Variants in TRAPPC9 observed in about 807,000 individuals in gnomAD.
TRAPPC9 encodes IKK2 binding protein.
In TRAPPC9, 83 loss-of-function variants were observed where a neutral mutation model predicts 124.0. That is an observed-to-expected ratio of 0.67 (90% CI 0.56 to 0.80). The LOEUF is 0.80. TRAPPC9 is among the 30% of genes least tolerant of loss of function. The pLI, the probability that TRAPPC9 is intolerant of heterozygous loss-of-function variation, is 0.00. For synonymous variants in TRAPPC9, 638 were observed against 617.5 expected (o/e 1.03, Z -0.49); for missense variants, 1,302 against 1,508.3 (o/e 0.86, Z 2.27).
At chr8:140,070,285 T>C (rs903236341) in intron 17 of TRAPPC9, among the ~76,000 whole-genome samples, 2 of 152,228 alleles carry the variant, frequency 1.3e-5, no homozygotes, top group African/African-American at 4.8e-5. Flanking sequence ...CATATAGAAA[T>C]GTCACAGCAC....
At chr8:140,438,602 C>T (rs533476813) in intron 3 of TRAPPC9, among the ~76,000 whole-genome samples, 29 of 152,300 alleles carry the variant, frequency 1.9e-4, no homozygotes, top group African/African-American at 7.0e-4. Context: ...GGCCACTGCT[C>T]GTGGCAACCA....
At chr8:140,442,475 G>A (rs984862001) in intron 2 of TRAPPC9, among the ~76,000 whole-genome samples, 1 of 151,658 alleles carries the variant, frequency 6.6e-6, no homozygotes, top group Non-Finnish European at 1.5e-5. Context: ...GGCAGGCGCC[G>A]TAGTCCCAGC....
Position 140,270,788 on chromosome 8 carries a change from G to A in TRAPPC9, c.2278+4870C>T, listed in dbSNP as rs146933403. Among the ~76,000 whole-genome samples the A allele has an allele frequency of 7.1e-3, 1,082 of 152,312 alleles. 12 individuals are homozygous for A. Among genetic ancestry groups the A allele is most frequent in the African/African-American group, 0.025 (1,036 of 41,574 alleles). ...TATGGCAGATGGCAGGAGCATCCAG[G>A]AAGCCAAAATTAGCTCCTGACAGCA... On this transcript the variant is annotated intron_variant, in intron 15 of 22. Coordinates refer to ENST00000438773, the MANE Select transcript of TRAPPC9 (RefSeq NM_001160372.4).
intron 21 of TRAPPC9, among the ~76,000 whole-genome samples, chr8:139,814,315 G>A (rs557409573): frequency 3.9e-5 from 6 of 152,334 alleles, no homozygotes; most frequent in African/African-American, 9.6e-5. Flanking sequence ...GAGACACGGC[G>A]ATGAGAAGCC....
chr8:140,107,157 C>T (rs764297722), intron 17 of TRAPPC9, among the ~76,000 whole-genome samples: 5 of 152,174 alleles, frequency 3.3e-5, no homozygotes, highest in Admixed American at 1.3e-4. Flanking sequence ...GAAACCACCA[C>T]CAGGAGCATA....
intron 17 of TRAPPC9, among the ~76,000 whole-genome samples, chr8:140,049,241 C>T (rs776911089): frequency 2.0e-5 from 3 of 152,208 alleles, no homozygotes; most frequent in Non-Finnish European, 4.4e-5. Flanking sequence ...CTGGGGCCTG[C>T]GGGCCCAGAG....
chr8:139,804,528 ACAC>A (rs1341481807), intron 21 of TRAPPC9, among the ~76,000 whole-genome samples: 2 of 107,038 alleles, frequency 1.9e-5, no homozygotes, highest in African/African-American at 3.7e-5. Context: ...CCGCCACCAC[ACAC>A]AACCACCACC....
intron 19 of TRAPPC9, among the ~76,000 whole-genome samples, chr8:139,987,276 G>A (rs908860996): frequency 6.6e-6 from 1 of 152,160 alleles, no homozygotes; most frequent in Non-Finnish European, 1.5e-5. Flanking sequence ...GGTTGAAATA[G>A]CTGGGCAAAG....
At chr8:140,264,306 G>T (rs937710688) in intron 15 of TRAPPC9, among the ~76,000 whole-genome samples, 5 of 152,098 alleles carry the variant, frequency 3.3e-5, no homozygotes, top group Non-Finnish European at 7.4e-5. Flanking sequence ...CTCCCAAGGT[G>T]CTTCTCGCAC....
intron 20 of TRAPPC9, among the ~76,000 whole-genome samples, chr8:139,889,092 C>T (rs1830184251): frequency 6.6e-6 from 1 of 152,230 alleles, no homozygotes; most frequent in Non-Finnish European, 1.5e-5. Context: ...GGTCTATCCG[C>T]AAAATGGAAT....
intron 9 of TRAPPC9, among the ~76,000 whole-genome samples, chr8:140,323,673 A>C (rs899048115): frequency 2.0e-5 from 3 of 152,186 alleles, no homozygotes; most frequent in Non-Finnish European, 4.4e-5. Flanking sequence ...GAGAGAACAG[A>C]AAAAACACTT....
At chr8:139,731,325 TG>T in intron 22 of TRAPPC9, 97 bp from the exon 23 acceptor site, 2 of 1,480,216 alleles carry the variant, frequency 1.4e-6, no homozygotes, top group Non-Finnish European at 1.8e-6. Context: ...ATAGGTGTTA[TG>T]GGGGAAGCGA....
intron 21 of TRAPPC9, among the ~76,000 whole-genome samples, chr8:139,749,974 CAG>C (rs1339415641): frequency 1.3e-5 from 2 of 152,148 alleles, no homozygotes; most frequent in Non-Finnish European, 2.9e-5. Flanking sequence ...GCTGGCAACA[CAG>C]AGACGACCAG....
At chr8:140,225,125 A>G (rs2063417013) in intron 16 of TRAPPC9, among the ~76,000 whole-genome samples, 1 of 152,262 alleles carries the variant, frequency 6.6e-6, no homozygotes. Flanking sequence ...TTCAGTAAAA[A>G]GAGCTGTTCT....
intron 17 of TRAPPC9, among the ~76,000 whole-genome samples, chr8:140,055,837 G>A (rs761936062): frequency 6.6e-5 from 10 of 151,846 alleles, no homozygotes; most frequent in East Asian, 1.9e-4. Flanking sequence ...ACAAAATATC[G>A]ATGAACAAAA....
Position 140,104,228 on chromosome 8 carries a change from C to T in TRAPPC9, c.2557-80149G>A, listed in dbSNP as rs570751065. ...GTATGCCAGGGCTGTCGGCTGTAAG[C>T]ATAGAGCTATGGAGCCAGATGAAAG... On this transcript the variant is annotated intron_variant, in intron 17 of 22. Coordinates refer to ENST00000438773, the MANE Select transcript of TRAPPC9 (RefSeq NM_001160372.4). The surrounding 1 kb of genome is among the most constrained non-coding windows in gnomAD (Gnocchi z 4.0). 6.6e-5 allele frequency among the ~76,000 whole-genome samples: 10 copies of T among 152,124 alleles called. No homozygotes were observed. Among genetic ancestry groups the T allele is most frequent in the Non-Finnish European group, 1.0e-4 (7 of 68,032 alleles).
chr8:140,015,464 G>GA (rs1444030310), intron 18 of TRAPPC9, among the ~76,000 whole-genome samples: 1 of 152,126 alleles, frequency 6.6e-6, no homozygotes, highest in Non-Finnish European at 1.5e-5. Flanking sequence ...GCCAAGAGCC[G>GA]AAAATGCATA....
chr8:139,831,605 C>T (rs535559966), intron 21 of TRAPPC9, among the ~76,000 whole-genome samples: 1 of 152,282 alleles, frequency 6.6e-6, no homozygotes, highest in East Asian at 1.9e-4. Flanking sequence ...CGCTGGGTGC[C>T]CCACAGCCTG....
intron 9 of TRAPPC9, among the ~76,000 whole-genome samples, chr8:140,358,382 T>C (rs995417185): frequency 1.3e-5 from 2 of 152,188 alleles, no homozygotes; most frequent in African/African-American, 2.4e-5. Flanking sequence ...ATTTTTTGTA[T>C]TTTTAGTAGA....
Sources: allele counts gnomAD v4.1 joint callset (sites outside exome capture counted in the v4.1 genomes callset), GRCh38; gene constraint gnomAD v4.1.1; non-coding constraint Gnocchi (gnomAD v3.1); transcripts MANE v1.5; gene names NCBI Gene and HGNC (gene_info 2026-07-23, HGNC 2026-07-21).